Variants in RAPGEF5 observed in about 807,000 individuals in gnomAD.
RAPGEF5 encodes M-Ras-regulated GEF.
In RAPGEF5, 65 loss-of-function variants were observed where a neutral mutation model predicts 125.2. The observed-to-expected ratio is 0.52, with a 90% confidence interval of 0.43 to 0.64. The LOEUF (loss-of-function observed/expected upper bound fraction) is 0.64. Among genes scored for constraint, RAPGEF5 ranks in the 30% least tolerant of loss-of-function variants. RAPGEF5 has a pLI of 0.00. For missense variants in RAPGEF5, 958 were observed against 1,048.1 expected (o/e 0.91, Z 1.19); for synonymous variants, 391 against 385.9 (o/e 1.01, Z -0.16).
chr7:22,261,859 A>G (rs1183442424), intron 7 of RAPGEF5, among the ~76,000 whole-genome samples: 1 of 152,200 alleles, frequency 6.6e-6, no homozygotes, highest in East Asian at 1.9e-4. Flanking sequence ...GGCCAAAAAA[A>G]AAAAGAGAAA....
chr7:22,165,570 G>A (rs1406765785), intron 12 of RAPGEF5, among the ~76,000 whole-genome samples: 1 of 152,122 alleles, frequency 6.6e-6, no homozygotes. Context: ...CTAAATAACA[G>A]TTCAAGATCA....
At chr7:22,201,558 G>T (rs1785277627) in intron 9 of RAPGEF5, among the ~76,000 whole-genome samples, 1 of 152,160 alleles carries the variant, frequency 6.6e-6, no homozygotes, top group Non-Finnish European at 1.5e-5. Context: ...AAATCTAAAA[G>T]CTTTAGGGTA....
rs1361732859 is a variant in RAPGEF5 at position 22,120,872 on chromosome 7, G to A, written c.*1534C>T. 1.3e-5 allele frequency: 2 copies of A among 152,200 alleles called. No individual in the cohort carries two copies. The highest frequency in any genetic ancestry group is 2.4e-5 in the African/African-American group (1 of 41,450). The allele number at this position is 152,200 out of a possible 1,614,324, so 9.4% of individuals were successfully genotyped here. A position where few individuals can be genotyped will look rare whatever the true frequency, so the allele number is the denominator to read the frequency against. ...CAGGAAACAGCACTGCTATAAAGAT[G>A]TCAAAAAGCATTGGACACGCCTCAG... On this transcript the variant is annotated 3_prime_UTR_variant, in exon 26 of 26. Coordinates refer to ENST00000665637, the MANE Select transcript of RAPGEF5 (RefSeq NM_012294.5). The surrounding 1 kb of genome is among the most constrained non-coding windows in gnomAD (Gnocchi z 4.0).
At chr7:22,188,391 T>C (rs1273602618) in intron 11 of RAPGEF5, among the ~76,000 whole-genome samples, 2 of 152,206 alleles carry the variant, frequency 1.3e-5, no homozygotes, top group Non-Finnish European at 2.9e-5. Flanking sequence ...AGCTTGGTGT[T>C]GGCAGGAGAC....
intron 19 of RAPGEF5, among the ~76,000 whole-genome samples, chr7:22,146,009 G>T (rs1483231380): frequency 6.6e-6 from 1 of 151,100 alleles, no homozygotes. Context: ...TTTTATAGAG[G>T]TAATCTACAT....
intron 7 of RAPGEF5, among the ~76,000 whole-genome samples, chr7:22,246,036 A>G (rs1786467115): frequency 2.0e-5 from 3 of 152,156 alleles, no homozygotes; most frequent in African/African-American, 7.2e-5. Flanking sequence ...GGTGAAAGGT[A>G]TCTACAAGGA....
chr7:22,288,744 A>C (rs1333103534), intron 6 of RAPGEF5, among the ~76,000 whole-genome samples: 1 of 151,962 alleles, frequency 6.6e-6, no homozygotes, highest in African/African-American at 2.4e-5. Context: ...GGATGGTCTC[A>C]ATCTTAAAAA....
chr7:22,136,682 T>G (rs1260761379), intron 22 of RAPGEF5, among the ~76,000 whole-genome samples: 1 of 152,164 alleles, frequency 6.6e-6, no homozygotes, highest in East Asian at 1.9e-4. Context: ...TGGACTATAC[T>G]TAAAAGCCTG....
chr7:22,297,398 A>C (rs1367838109), intron 5 of RAPGEF5, among the ~76,000 whole-genome samples: 1 of 152,216 alleles, frequency 6.6e-6, no homozygotes, highest in African/African-American at 2.4e-5. Context: ...GATAGTTTTT[A>C]AAATGTTCCT....
At chr7:22,125,455 G>T (rs1782708347) in intron 25 of RAPGEF5, 149 bp downstream of exon 25, 1 of 670,166 alleles carries the variant, frequency 1.5e-6, no homozygotes, top group Non-Finnish European at 2.5e-6. Flanking sequence ...GAAACAAAGA[G>T]ACAATCTACT....
In RAPGEF5 at chr7:22,247,054, C is replaced by A. The variant is rs182829086; in HGVS notation, c.797-16135G>T. ...TATCATCTGACACCAGTCAGAATGGCTATTACTAAAAAGTCAAAAGACAAC... is the reference window on the plus strand; with the variant it reads ...TATCATCTGACACCAGTCAGAATGGATATTACTAAAAAGTCAAAAGACAAC... On this transcript the variant is annotated intron_variant, in intron 7 of 25. Transcript: ENST00000665637. 1.6e-3 allele frequency among the ~76,000 whole-genome samples: 241 copies of A among 152,282 alleles called. 1 individual carries two copies. The highest frequency in any genetic ancestry group is 3.5e-3 in the Admixed American group (54 of 15,296).
intron 9 of RAPGEF5, among the ~76,000 whole-genome samples, chr7:22,214,640 C>A (rs1785589872): frequency 6.6e-6 from 1 of 152,128 alleles, no homozygotes. Context: ...CTTTTCAAAT[C>A]TAAGTTACGA....
intron 7 of RAPGEF5, among the ~76,000 whole-genome samples, chr7:22,240,441 G>A (rs183185451): frequency 6.7e-4 from 101 of 151,498 alleles, no homozygotes; most frequent in African/African-American, 2.3e-3. Context: ...GCGCCATCTC[G>A]GCTCACTGTA....
intron 24 of RAPGEF5, chr7:22,130,825 C>G (rs1371939022): frequency 1.6e-6 from 1 of 612,504 alleles, no homozygotes; most frequent in East Asian, 3.5e-5. Flanking sequence ...TCACAAAAAC[C>G]TTGCTAACAT....
chr7:22,284,490 C>T (rs1397068770), intron 6 of RAPGEF5, among the ~76,000 whole-genome samples: 2 of 152,302 alleles, frequency 1.3e-5, no homozygotes, highest in East Asian at 1.9e-4. Flanking sequence ...CCGTCTTCTC[C>T]GGTCTCACTT....
At chr7:22,198,293 C>T (rs922623081) in intron 9 of RAPGEF5, among the ~76,000 whole-genome samples, 6 of 152,232 alleles carry the variant, frequency 3.9e-5, no homozygotes, top group Non-Finnish European at 8.8e-5. Context: ...CTCCACAGGG[C>T]ACTGGCCTGC....
chr7:22,299,301 T>C (rs2128149738), intron 5 of RAPGEF5, among the ~76,000 whole-genome samples: 1 of 152,280 alleles, frequency 6.6e-6, no homozygotes, highest in East Asian at 1.9e-4. Context: ...AAATATTCCT[T>C]ATTTCCTTTG....
At chr7:22,282,985 A>G (rs1782709006) in intron 6 of RAPGEF5, among the ~76,000 whole-genome samples, 1 of 152,116 alleles carries the variant, frequency 6.6e-6, no homozygotes, top group South Asian at 2.1e-4. Context: ...AATAAAAAGT[A>G]TAGAACACAA....
chr7:22,315,493 G>T lies in RAPGEF5; in HGVS notation c.283-17C>A. The T allele has an allele frequency of 1.4e-6, 2 of 1,445,508 alleles. No individual in the cohort carries two copies. Among genetic ancestry groups the T allele is most frequent in the Non-Finnish European group, 1.8e-6 (2 of 1,100,056 alleles). 89.5% of individuals were successfully genotyped at this position (1,445,508 alleles called of 1,614,324 possible). A position where few individuals can be genotyped will look rare whatever the true frequency, so the allele number is the denominator to read the frequency against. On this transcript the variant is annotated splice_polypyrimidine_tract_variant and intron_variant, in intron 2 of 25. Coordinates refer to ENST00000665637, the MANE Select transcript of RAPGEF5 (RefSeq NM_012294.5). Reference sequence around the variant, plus strand: ...TCCATAAATCTAAATGGAAAAGACAGTCACTGTAAATATAGAACAATAATG... The same window carrying T: ...TCCATAAATCTAAATGGAAAAGACATTCACTGTAAATATAGAACAATAATG...
Sources: gnomAD v4.1 joint callset for allele counts (sites outside exome capture counted in the v4.1 genomes callset) on GRCh38, gnomAD v4.1.1 for gene constraint, Gnocchi (gnomAD v3.1) non-coding constraint, MANE v1.5 for transcripts, NCBI Gene and HGNC (gene_info 2026-07-23, HGNC 2026-07-21) for gene names.